Variants in PCDHGB5 observed in about 807,000 individuals in gnomAD.
The protein encoded by PCDHGB5 is protocadherin gamma-B5.
A neutral mutation model predicts 62.9 loss-of-function variants in PCDHGB5; 48 were observed. The ratio of observed to expected loss-of-function variants is 0.76; its 90% CI spans 0.61 to 0.97. The LOEUF (loss-of-function observed/expected upper bound fraction) is 0.97, where lower values mean the gene tolerates loss of function less well. PCDHGB5 is among the 50% of genes least tolerant of loss of function. The pLI is 0.00. For missense variants in PCDHGB5, 1,118 were observed against 1,198.6 expected, an observed-to-expected ratio of 0.93 and a Z score of 0.99; for synonymous variants, 474 against 511.2, an observed-to-expected ratio of 0.93 and a Z score of 0.98.
At chr5:141,458,064 C>T (rs886724551) in intron 1 of PCDHGB5, among the ~76,000 whole-genome samples, 14 of 152,104 alleles carry the variant, frequency 9.2e-5, no homozygotes, top group East Asian at 3.9e-4. Context: ...TGCACTGATG[C>T]GAACAACTAT....
intron 1 of PCDHGB5, among the ~76,000 whole-genome samples, chr5:141,405,902 G>A (rs777584362): frequency 2.6e-5 from 4 of 152,084 alleles, no homozygotes; most frequent in Non-Finnish European, 4.4e-5. Flanking sequence ...CTGAAAGGAG[G>A]CATTTATTAG....
intron 1 of PCDHGB5, chr5:141,427,308 G>A (rs2097014480): frequency 2.2e-6 from 1 of 456,846 alleles, no homozygotes; most frequent in Non-Finnish European, 4.4e-6. Flanking sequence ...GAATGACAAT[G>A]CCCCAGACGT....
At chr5:141,421,429 G>T in intron 1 of PCDHGB5, 1 of 1,614,090 alleles carries the variant, frequency 6.2e-7, no homozygotes, top group Non-Finnish European at 8.5e-7. Flanking sequence ...AGTCCGCATC[G>T]TCTCCAGAGG....
At position 141,400,387 on chromosome 5, in the gene PCDHGB5, C is replaced by T; in HGVS notation, c.2260C>T (p.His754Tyr). 2 of 1,614,068 alleles carry T rather than the reference C, an allele frequency of 1.2e-6. No individual in the cohort carries two copies. Among genetic ancestry groups the T allele is most frequent in the Non-Finnish European group, 1.7e-6 (2 of 1,179,908 alleles). The change falls in exon 1 of 4, where the codon CAT (histidine) becomes TAT (tyrosine). Residue 754 changes from histidine to tyrosine, a missense_variant. This residue lies in a region of PCDHGB5 where 1,034 missense variants were observed against 1,029.1 expected (regional missense o/e 1.00). Transcript: ENST00000617380. ...TTATTCCTACAACCTATGTGTTGCA[C>T]ATACAGGAAAGACGGAGTTTAATTT... Reference protein sequence around the residue: ...LPYSYNLCVAHTGKTEFNFLK... With the variant: ...LPYSYNLCVAYTGKTEFNFLK...
intron 1 of PCDHGB5, among the ~76,000 whole-genome samples, chr5:141,438,340 G>A (rs1348587719): frequency 6.6e-6 from 1 of 151,522 alleles, no homozygotes; most frequent in Non-Finnish European, 1.5e-5. Flanking sequence ...TGTCATATAA[G>A]GATCTACTCT....
chr5:141,491,723 G>C lies in PCDHGB5; in HGVS notation c.2398-3084G>C. The C allele has an allele frequency of 1.2e-6, 2 of 1,606,770 alleles. No homozygotes were observed. The highest frequency in any genetic ancestry group is 1.7e-6 in the Non-Finnish European group (2 of 1,177,028). On this transcript the variant is annotated intron_variant, in intron 1 of 3. Transcript: ENST00000617380. The surrounding 1 kb of genome is among the most constrained non-coding windows in gnomAD (Gnocchi z 6.9). The stretch of plus-strand genomic sequence containing the variant: ...CAGGTGAGGGGCTCGGCGCCGCCCC[G>C]GGCGACCCCTGGGGGCGGCACTGGA...
Position 141,485,684 on chromosome 5 carries a change from A to T in PCDHGB5, c.2398-9123A>T, listed in dbSNP as rs746176226. On this transcript the variant is annotated intron_variant, in intron 1 of 3. Transcript: ENST00000617380. The surrounding 1 kb of genome is among the most constrained non-coding windows in gnomAD (Gnocchi z 5.7). ...GGGGAGCAATTCGATTAGCAGCTAT[A>T]GGCTGAGCTCCAATGAACACTTTGC... 1 of 1,614,056 alleles carries T rather than the reference A, an allele frequency of 6.2e-7. No homozygotes were observed. The highest frequency in any genetic ancestry group is 1.1e-5 in the South Asian group (1 of 91,082).
At chr5:141,419,803 T>C (rs2096436352) in intron 1 of PCDHGB5, 3 of 1,614,026 alleles carry the variant, frequency 1.9e-6, no homozygotes, top group Non-Finnish European at 2.5e-6. Context: ...CTGTAAGAGA[T>C]GGAGGACAGC....
chr5:141,408,559 C>T (rs1490844526), intron 1 of PCDHGB5: 3 of 1,614,000 alleles, frequency 1.9e-6, no homozygotes, highest in Non-Finnish European at 2.5e-6. Flanking sequence ...TTTTTCATGT[C>T]ATTGTGGTGA....
intron 1 of PCDHGB5, among the ~76,000 whole-genome samples, chr5:141,444,106 G>A (rs2098417269): frequency 7.6e-6 from 1 of 131,112 alleles, no homozygotes; most frequent in South Asian, 2.6e-4. Flanking sequence ...TGGAAACCAA[G>A]AAAAGTGAAG....
intron 1 of PCDHGB5, chr5:141,428,153 CT>C (rs2097116745): frequency 6.3e-7 from 1 of 1,581,370 alleles, no homozygotes; most frequent in Admixed American, 1.7e-5. Flanking sequence ...ACACGGGAAC[CT>C]GCTGGTTGCT....
chr5:141,417,923 C>T, intron 1 of PCDHGB5: 1 of 1,608,652 alleles, frequency 6.2e-7, no homozygotes, highest in Non-Finnish European at 8.5e-7. Context: ...TCCTTTGCTG[C>T]TGCCTTTGTT....
At chr5:141,424,832 A>G (rs2096843522) in intron 1 of PCDHGB5, among the ~76,000 whole-genome samples, 1 of 152,174 alleles carries the variant, frequency 6.6e-6, no homozygotes. Context: ...TGCCTGACAT[A>G]CATGTTATCT....
Position 141,398,282 on chromosome 5 carries a change from C to T in PCDHGB5, c.155C>T (p.Thr52Met). The T allele has an allele frequency of 1.4e-6, 2 of 1,401,814 alleles. No individual in the cohort carries two copies. Among genetic ancestry groups the T allele is most frequent in the South Asian group, 2.6e-5 (2 of 76,814 alleles). The allele number at this position is 1,401,814 out of a possible 1,614,324, so 86.8% of individuals were successfully genotyped here. ...GGCTCCGTAGTGGGGAACCTCGCCA[C>T]GGACCTGGGGTTCAGCGTCCAGGAG... ...PKGSVVGNLA[T>M]DLGFSVQELP... The change falls in exon 1 of 4, where the codon ACG becomes ATG. Residue 52 changes from threonine to methionine, a missense_variant. By Grantham distance (81) the Thr-to-Met change is moderately conservative (BLOSUM62 -1). Coordinates refer to ENST00000617380, the MANE Select transcript of PCDHGB5 (RefSeq NM_018925.3).
At chr5:141,408,317 G>A in intron 1 of PCDHGB5, 1 of 1,613,892 alleles carries the variant, frequency 6.2e-7, no homozygotes, top group Non-Finnish European at 8.5e-7. Context: ...CTCGATTCCG[G>A]AGGAGCTGGC....
At chr5:141,467,987 A>G (rs888811899) in intron 1 of PCDHGB5, among the ~76,000 whole-genome samples, 10 of 152,216 alleles carry the variant, frequency 6.6e-5, no homozygotes, top group Non-Finnish European at 8.8e-5. Flanking sequence ...TCAGAAAACC[A>G]CAATTCTTTC....
At chr5:141,414,026 C>A in intron 1 of PCDHGB5, 1 of 1,612,468 alleles carries the variant, frequency 6.2e-7, no homozygotes, top group Non-Finnish European at 8.5e-7. Flanking sequence ...GTGACATATT[C>A]ATTCCGAAAA....
rs752954707 is a variant in PCDHGB5 at position 141,476,801 on chromosome 5, C to T, written c.2398-18006C>T. The T allele has an allele frequency of 6.2e-7, 1 of 1,613,586 alleles. No individual in the cohort carries two copies. Among genetic ancestry groups the T allele is most frequent in the Non-Finnish European group, 8.5e-7 (1 of 1,180,020 alleles). On this transcript the variant is annotated intron_variant, in intron 1 of 3. Coordinates refer to ENST00000617380, the MANE Select transcript of PCDHGB5 (RefSeq NM_018925.3). This position sits in a 1 kb window ranked among gnomAD's most constrained non-coding sequence, Gnocchi z 7.6. Reference sequence around the variant, plus strand: ...GACCCCAGCTCTCTCCGCCAGCCTGCCTATTCACATCAAGGTGCTGGACGC... The same window carrying T: ...GACCCCAGCTCTCTCCGCCAGCCTGTCTATTCACATCAAGGTGCTGGACGC...
At chr5:141,423,227 A>C (rs1305722929) in intron 1 of PCDHGB5, 5 of 1,613,634 alleles carry the variant, frequency 3.1e-6, no homozygotes, top group Non-Finnish European at 2.5e-6. Context: ...GCTGTGGCCG[A>C]CAGCATCCCC....
Sources: gnomAD v4.1 joint callset for allele counts (sites outside exome capture counted in the v4.1 genomes callset) on GRCh38, gnomAD v4.1.1 for gene constraint, gnomAD v4.1.1 regional missense constraint, Gnocchi (gnomAD v3.1) non-coding constraint, MANE v1.5 for transcripts, NCBI Gene and HGNC (gene_info 2026-07-23, HGNC 2026-07-21) for gene names.